The following RNF38 variants were observed in gnomAD, a reference collection of about 807,000 sequenced individuals.
RNF38 encodes ring finger protein 38.
In RNF38, 15 loss-of-function variants were observed where a neutral mutation model predicts 67.2. The ratio of observed to expected loss-of-function variants is 0.22; its 90% confidence interval spans 0.15 to 0.34. The LOEUF is 0.34. Among genes scored for constraint, RNF38 ranks in the 10% least tolerant of loss-of-function variants. RNF38 has a pLI of 1.00. For synonymous variants in RNF38, 220 were observed against 218.8 expected (o/e 1.01, Z -0.05); for missense variants, 524 against 639.9 (o/e 0.82, Z 1.95).
intron 2 of RNF38, among the ~76,000 whole-genome samples, chr9:36,384,794 C>A (rs1226063571): frequency 6.6e-6 from 1 of 152,152 alleles, no homozygotes; most frequent in Non-Finnish European, 1.5e-5. Context: ...AAAGCAAATT[C>A]AAGCAATTTT....
upstream of RNF38, chr9:36,400,752 C>T: frequency 1.0e-6 from 1 of 985,668 alleles, no homozygotes; most frequent in Non-Finnish European, 1.2e-6. Flanking sequence ...ACACGGGCCG[C>T]GCCAGGAAAC....
chr9:36,386,413 C>T (rs574036452), intron 2 of RNF38, among the ~76,000 whole-genome samples: 28 of 152,298 alleles, frequency 1.8e-4, no homozygotes, highest in Non-Finnish European at 3.7e-4. Flanking sequence ...GATATTTTCA[C>T]AATAATTTTC....
intron 2 of RNF38, among the ~76,000 whole-genome samples, chr9:36,386,714 A>G (rs1836666604): frequency 6.6e-6 from 1 of 152,216 alleles, no homozygotes; most frequent in African/African-American, 2.4e-5. Context: ...GGTGATGACA[A>G]TGACCTCTGG....
chr9:36,424,738 G>A (rs4879992), intron 1 of RNF38: 251,033 of 679,592 alleles, frequency 0.37, 48,175 homozygotes, highest in Non-Finnish European at 0.38. Flanking sequence ...CATTTAAACT[G>A]CTTTACCAAT....
rs776147519 is a variant in RNF38 at position 36,369,952 on chromosome 9, G to C, written c.357-20C>G. 2 of 1,593,666 alleles carry C rather than the reference G, an allele frequency of 1.3e-6. No homozygotes were observed. Among genetic ancestry groups the C allele is most frequent in the South Asian group, 2.2e-5 (2 of 89,968 alleles). On this transcript the variant is annotated intron_variant, in intron 3 of 11. Coordinates refer to ENST00000259605, the MANE Select transcript of RNF38 (RefSeq NM_022781.5). Reference sequence around the variant, plus strand: ...GGAGGACTGTGATAAATATCAAAAAGAAAGTCATTATGCTTATTGTGATCC... The same window carrying C: ...GGAGGACTGTGATAAATATCAAAAACAAAGTCATTATGCTTATTGTGATCC...
intron 1 of RNF38, among the ~76,000 whole-genome samples, chr9:36,444,835 A>C (rs911019462): frequency 1.3e-5 from 2 of 151,558 alleles, no homozygotes; most frequent in Admixed American, 6.6e-5. Flanking sequence ...GGAATACCAC[A>C]CCCCTCAAAT....
At chr9:36,350,159 G>C (rs1053073348) in intron 9 of RNF38, among the ~76,000 whole-genome samples, 8 of 152,130 alleles carry the variant, frequency 5.3e-5, no homozygotes, top group African/African-American at 1.9e-4. Flanking sequence ...CCCCCATTGT[G>C]TTTTCTTGGG....
At chr9:36,366,038 G>A (rs1834931342) in intron 4 of RNF38, among the ~76,000 whole-genome samples, 1 of 151,936 alleles carries the variant, frequency 6.6e-6, no homozygotes, top group Non-Finnish European at 1.5e-5. Flanking sequence ...TTTTATTACA[G>A]AGAATTTCAA....
chr9:36,363,952 GAC>G (rs1334470007), intron 4 of RNF38, among the ~76,000 whole-genome samples: 3 of 85,190 alleles, frequency 3.5e-5, no homozygotes, highest in African/African-American at 1.1e-4. Context: ...TCCTGCCTCA[GAC>G]TCCCGAGTAC....
In RNF38 at chr9:36,391,335, G is replaced by T. The variant is rs1049088072; in HGVS notation, c.13-719C>A. ...AAAAACAAAAATAAATGTTTGACTT[G>T]ATTATGGGTTAATCCTCTTAAATTC... On this transcript the variant is annotated intron_variant, in intron 1 of 11. Transcript: ENST00000259605. 5.9e-5 allele frequency among the ~76,000 whole-genome samples: 9 copies of T among 151,930 alleles called. No individual in the cohort carries two copies. In the South Asian group the frequency reaches 1.9e-3, roughly 32 times the overall value.
chr9:36,446,807 C>CAAA (rs1839311961), intron 1 of RNF38, among the ~76,000 whole-genome samples: 2 of 20,640 alleles, frequency 9.7e-5, no homozygotes, highest in Non-Finnish European at 1.7e-4. Context: ...GACTCCGCCT[C>CAAA]AAGAAAAAAA....
intron 1 of RNF38, among the ~76,000 whole-genome samples, chr9:36,438,494 A>G (rs548273612): frequency 1.1e-4 from 16 of 151,886 alleles, no homozygotes; most frequent in South Asian, 2.1e-4. Flanking sequence ...TTCTTCTTCC[A>G]ATGTGGCCCA....
At chr9:36,376,314 G>C (rs1337050257) in intron 2 of RNF38, among the ~76,000 whole-genome samples, 187 bp from the exon 3 acceptor site, 1 of 152,162 alleles carries the variant, frequency 6.6e-6, no homozygotes. Context: ...ACAGGGGAGG[G>C]AGATGCACAG....
intron 2 of RNF38, 93 bp downstream of exon 2, chr9:36,390,374 G>T: frequency 9.5e-7 from 1 of 1,048,158 alleles, no homozygotes; most frequent in Non-Finnish European, 1.3e-6. Flanking sequence ...AAAACAAGGA[G>T]ACGATATTGG....
chr9:36,442,071 G>A (rs1345247405), intron 1 of RNF38, among the ~76,000 whole-genome samples: 1 of 152,022 alleles, frequency 6.6e-6, no homozygotes, highest in Non-Finnish European at 1.5e-5. Context: ...CTACTTATAA[G>A]GGGGGGAGGG....
intron 1 of RNF38, among the ~76,000 whole-genome samples, chr9:36,482,349 A>C (rs1331665730): frequency 1.4e-5 from 1 of 71,360 alleles, no homozygotes; most frequent in Admixed American, 2.2e-4. Context: ...CACTGTGCCC[A>C]GACCTTTTTT....
chr9:36,446,810 G>GAA (rs60691553), intron 1 of RNF38, among the ~76,000 whole-genome samples: 7,974 of 28,304 alleles, frequency 0.28, 2,511 homozygotes, highest in Non-Finnish European at 0.39. Context: ...TCCGCCTCAA[G>GAA]AAAAAAAAAA....
chr9:36,476,797 G>C lies in RNF38; in HGVS notation n.241+10511C>G, dbSNP rs932611312. Among the ~76,000 whole-genome samples the C allele has an allele frequency of 5.3e-5, 8 of 152,100 alleles. No individual in the cohort carries two copies. In the South Asian group the frequency reaches 1.7e-3, roughly 32 times the overall value. On this transcript the variant is annotated intron_variant and non_coding_transcript_variant, in intron 1 of 3. Coordinates refer to the RNF38 transcript ENST00000488058. ...CCCACTCTGGCCTCCCAAAGTCCTG[G>C]GATTATAGCTGTTTCCTAATCCAGG...
chr9:36,369,998 T>G, intron 3 of RNF38, 66 bp from the exon 4 acceptor site: 8 of 1,292,388 alleles, frequency 6.2e-6, no homozygotes, highest in Non-Finnish European at 8.6e-6. Flanking sequence ...TGTATTGTCT[T>G]TCTTTGATAT....
Sources: gnomAD v4.1 joint callset for allele counts (sites outside exome capture counted in the v4.1 genomes callset) on GRCh38, gnomAD v4.1.1 for gene constraint, MANE v1.5 for transcripts, NCBI Gene and HGNC (gene_info 2026-07-23, HGNC 2026-07-21) for gene names.